POU2F1: variants seen among roughly 807,000 people sequenced by gnomAD.
POU2F1 encodes POU class 2 homeobox 1.
In POU2F1, 16 loss-of-function variants were observed where a neutral mutation model predicts 84.9. The ratio of observed to expected loss-of-function variants is 0.19; its 90% CI spans 0.13 to 0.29. The LOEUF is 0.29. POU2F1 is among the 10% of genes least tolerant of loss of function. The pLI, the probability that POU2F1 is intolerant of heterozygous loss-of-function variation, is 1.00. For missense variants in POU2F1, 738 were observed against 942.6 expected (o/e 0.78, Z 2.84); for synonymous variants, 368 against 368.3 (o/e 1.00, Z 0.01).
chr1:167,295,491 G>A (rs1330983027), intron 1 of POU2F1, among the ~76,000 whole-genome samples: 1 of 152,178 alleles, frequency 6.6e-6, no homozygotes, highest in East Asian at 1.9e-4. Context: ...ATATGCAAGT[G>A]CATACAGTGA....
chr1:167,239,017 C>A (rs1649705625), intron 1 of POU2F1, among the ~76,000 whole-genome samples: 1 of 152,178 alleles, frequency 6.6e-6, no homozygotes, highest in Non-Finnish European at 1.5e-5. Flanking sequence ...AAATCTTTAA[C>A]CTTTAATCTT....
chr1:167,241,774 G>A (rs865916595), intron 1 of POU2F1, among the ~76,000 whole-genome samples: 1 of 152,276 alleles, frequency 6.6e-6, no homozygotes, highest in South Asian at 2.1e-4. Context: ...TCATTGTTAT[G>A]TGTTTTATAG....
rs765165192 is a variant in POU2F1, at chr1:167,401,454, G to A, written c.1453G>A (p.Ala485Thr). 1.2e-6 allele frequency: 2 copies of A among 1,608,682 alleles called. No homozygotes were observed. Among genetic ancestry groups the A allele is most frequent in the South Asian group, 2.2e-5 (2 of 90,384 alleles). The change falls in exon 13 of 16, where the codon GCG becomes ACG. Residue 485 changes from alanine (A) to threonine (T), a missense_variant. By Grantham distance (58) the Ala-to-Thr change is moderately conservative (BLOSUM62 0). Transcript: ENST00000367866. The stretch of plus-strand genomic sequence containing the variant: ...TGTTTTCATTTCTGACCTCAAGGTG[G>A]CGACCACACCAAGCCTTGTGACTAG... The part of the protein sequence containing the change: ...AIFPSPTSLV[A>T]TTPSLVTSSA...
At chr1:167,382,224 T>G (rs1045069926) in intron 7 of POU2F1, among the ~76,000 whole-genome samples, 2 of 152,184 alleles carry the variant, frequency 1.3e-5, no homozygotes, top group African/African-American at 2.4e-5. Flanking sequence ...CGGATCATAG[T>G]AATCTGGTAA....
chr1:167,370,150 A>T lies in POU2F1; in HGVS notation c.229-11A>T, dbSNP rs1453401890. On this transcript the variant is annotated splice_polypyrimidine_tract_variant and intron_variant, in intron 3 of 15. Coordinates refer to ENST00000367866, the MANE Select transcript of POU2F1 (RefSeq NM_002697.4). ...CAGTATTAAACTAGAACTTCCCCTGATTACTTATAGGTCCAACTCGCTGGA... is the reference window on the plus strand; with the variant it reads ...CAGTATTAAACTAGAACTTCCCCTGTTTACTTATAGGTCCAACTCGCTGGA... 1 of 1,600,294 alleles carries T rather than the reference A, an allele frequency of 6.2e-7. No individual in the cohort carries two copies.
At chr1:167,377,316 G>A (rs1440274612) in intron 7 of POU2F1, among the ~76,000 whole-genome samples, 3 of 152,182 alleles carry the variant, frequency 2.0e-5, no homozygotes, top group African/African-American at 7.2e-5. Flanking sequence ...GCCAGGCGTG[G>A]TGGCTGACGC....
chr1:167,258,401 A>C (rs984373288), intron 1 of POU2F1, among the ~76,000 whole-genome samples: 7 of 152,236 alleles, frequency 4.6e-5, no homozygotes, highest in Non-Finnish European at 7.3e-5. Context: ...AGTTATTATC[A>C]AACTTGATCC....
At chr1:167,372,786 A>G (rs1288246252) in intron 5 of POU2F1, among the ~76,000 whole-genome samples, 3 of 152,220 alleles carry the variant, frequency 2.0e-5, no homozygotes, top group Non-Finnish European at 1.5e-5. Flanking sequence ...CTTTTCTCTA[A>G]GGCACCATTC....
chr1:167,316,295 G>C (rs1454016672), intron 1 of POU2F1, among the ~76,000 whole-genome samples: 1 of 152,008 alleles, frequency 6.6e-6, no homozygotes, highest in African/African-American at 2.4e-5. Context: ...ATGGTACATG[G>C]GACCCATCTT....
intron 1 of POU2F1, among the ~76,000 whole-genome samples, chr1:167,309,428 C>T (rs145572000): frequency 1.3e-5 from 2 of 152,092 alleles, no homozygotes; most frequent in Admixed American, 6.5e-5. Flanking sequence ...ACACTTCACT[C>T]TCATTATCCT....
Position 167,361,836 on chromosome 1 carries a change from C to T in POU2F1, c.128-3631C>T, listed in dbSNP as rs1321550917. ...TGGTTAAGTTTTTCATTACTGATTT[C>T]GTTTAATTACTCATTATTGATCTGT... On this transcript the variant is annotated intron_variant, in intron 2 of 15. Transcript: ENST00000367866. Among the ~76,000 whole-genome samples, 21 of 152,134 alleles carry T rather than the reference C, an allele frequency of 1.4e-4. No individual in the cohort carries two copies. In the East Asian group the frequency reaches 2.9e-3, roughly 21 times the overall value.
intron 1 of POU2F1, among the ~76,000 whole-genome samples, chr1:167,277,108 G>A (rs1284484899): frequency 1.3e-5 from 2 of 152,112 alleles, no homozygotes; most frequent in Non-Finnish European, 2.9e-5. Flanking sequence ...AGTGGTGTTT[G>A]ACACTCTCAA....
At chr1:167,405,604 C>A (rs1649519184) in intron 13 of POU2F1, among the ~76,000 whole-genome samples, 1 of 152,016 alleles carries the variant, frequency 6.6e-6, no homozygotes, top group African/African-American at 2.4e-5. Context: ...GGGAGGGTCA[C>A]TTGAGCCTGG....
intron 2 of POU2F1, among the ~76,000 whole-genome samples, chr1:167,356,814 C>A (rs1052791597): frequency 2.0e-5 from 3 of 152,230 alleles, no homozygotes; most frequent in African/African-American, 7.2e-5. Context: ...TAGGCTGGCC[C>A]CTTTCCCATG....
At chr1:167,281,931 A>G (rs563681888) in intron 1 of POU2F1, among the ~76,000 whole-genome samples, 1 of 151,890 alleles carries the variant, frequency 6.6e-6, no homozygotes, top group African/African-American at 2.4e-5. Context: ...TTTCCTGCTC[A>G]TCTCCTTCAC....
intron 2 of POU2F1, among the ~76,000 whole-genome samples, chr1:167,348,709 T>C (rs1325379358): frequency 6.6e-6 from 1 of 152,174 alleles, no homozygotes; most frequent in Non-Finnish European, 1.5e-5. Flanking sequence ...TGTGTTTACA[T>C]CTAAGGCAGT....
rs141824617 is a variant in POU2F1, at chr1:167,401,479, G to A, written c.1478G>A (p.Ser493Asn). Residue 493 changes from serine (S) to asparagine (N), a missense_variant, in exon 13 of 16, where the codon AGC becomes AAC. This residue lies in a region of POU2F1 where 319 missense variants were observed against 386.0 expected (regional missense o/e 0.83). Coordinates refer to ENST00000367866, the MANE Select transcript of POU2F1 (RefSeq NM_002697.4). ...GCGACCACACCAAGCCTTGTGACTA[G>A]CAGTGCAGCAACTACCCTCACAGTC... The part of the protein sequence containing the change: ...LVATTPSLVT[S>N]SAATTLTVSP... 7.3e-5 allele frequency: 117 copies of A among 1,613,004 alleles called. No homozygotes were observed. The highest frequency in any genetic ancestry group is 9.3e-5 in the Non-Finnish European group (110 of 1,179,656).
intron 1 of POU2F1, among the ~76,000 whole-genome samples, chr1:167,282,956 C>T (rs1036462843): frequency 6.6e-6 from 1 of 152,198 alleles, no homozygotes; most frequent in African/African-American, 2.4e-5. Context: ...AAAAGAACTT[C>T]ATAGGGTTGT....
At chr1:167,249,179 C>T (rs1309872141) in intron 1 of POU2F1, among the ~76,000 whole-genome samples, 9 of 152,158 alleles carry the variant, frequency 5.9e-5, no homozygotes, top group Non-Finnish European at 1.0e-4. Context: ...CCTTTATCTT[C>T]TCATCTCCAA....
Sources: gnomAD v4.1 joint callset for allele counts (sites outside exome capture counted in the v4.1 genomes callset) on GRCh38, gnomAD v4.1.1 for gene constraint, gnomAD v4.1.1 regional missense constraint, MANE v1.5 for transcripts, NCBI Gene and HGNC (gene_info 2026-07-23, HGNC 2026-07-21) for gene names.